Variants in CLSTN2 observed in about 807,000 individuals in gnomAD.
The protein encoded by CLSTN2 is calsyntenin 2.
In CLSTN2, 48 loss-of-function variants were observed where a neutral mutation model predicts 101.2. The observed-to-expected ratio is 0.47, with a 90% CI of 0.38 to 0.60. CLSTN2 has a LOEUF of 0.60. CLSTN2 is among the 20% of genes least tolerant of loss of function. The pLI, the probability that CLSTN2 is intolerant of heterozygous loss-of-function variation, is 0.00. For missense variants in CLSTN2, 1,160 were observed against 1,238.2 expected, an observed-to-expected ratio of 0.94 and a Z score of 0.95; for synonymous variants, 481 against 463.6, an observed-to-expected ratio of 1.04 and a Z score of -0.48.
chr3:140,376,392 T>C (rs1210875573), intron 2 of CLSTN2, among the ~76,000 whole-genome samples: 2 of 152,200 alleles, frequency 1.3e-5, no homozygotes, highest in Non-Finnish European at 2.9e-5. Flanking sequence ...TGGAGACGGA[T>C]GGAATGGAGG....
At chr3:140,330,061 G>A (rs78125088) in intron 2 of CLSTN2, among the ~76,000 whole-genome samples, 2,887 of 152,288 alleles carry the variant, frequency 0.019, 47 homozygotes, top group Middle Eastern at 0.065. Flanking sequence ...GGGAATTAAT[G>A]GCAGAGTGCC....
At chr3:140,273,461 A>C (rs2086763329) in intron 2 of CLSTN2, among the ~76,000 whole-genome samples, 1 of 152,228 alleles carries the variant, frequency 6.6e-6, no homozygotes, top group African/African-American at 2.4e-5. Flanking sequence ...TTAGAGCTGA[A>C]GAAATGAAAG....
At chr3:140,526,971 T>C (rs1445456066) in intron 8 of CLSTN2, among the ~76,000 whole-genome samples, 1 of 152,012 alleles carries the variant, frequency 6.6e-6, no homozygotes, top group African/African-American at 2.4e-5. Context: ...AAAACCCCAA[T>C]TATAAAAATC....
At chr3:140,444,439 A>G (rs1385628456) in intron 5 of CLSTN2, among the ~76,000 whole-genome samples, 1 of 152,018 alleles carries the variant, frequency 6.6e-6, no homozygotes, top group Non-Finnish European at 1.5e-5. Flanking sequence ...TCAAAAAAAA[A>G]AAAATGCTAC....
intron 8 of CLSTN2, among the ~76,000 whole-genome samples, chr3:140,486,948 A>C (rs1354268512): frequency 6.6e-6 from 1 of 152,204 alleles, no homozygotes; most frequent in African/African-American, 2.4e-5. Flanking sequence ...TGTAAGTTTA[A>C]GGCATTTGGA....
intron 2 of CLSTN2, among the ~76,000 whole-genome samples, chr3:140,238,531 A>G (rs1297641082): frequency 6.6e-6 from 1 of 152,208 alleles, no homozygotes. Flanking sequence ...ATCTCGTTTT[A>G]TAATTGGTAA....
intron 6 of CLSTN2, chr3:140,453,133 T>TG (rs1318468592): frequency 3.3e-5 from 5 of 152,212 alleles, no homozygotes; most frequent in Non-Finnish European, 7.4e-5. Flanking sequence ...AAGTAGTCGG[T>TG]GGTGCATATG....
chr3:140,552,416 A>AG (rs2107789409), intron 10 of CLSTN2, among the ~76,000 whole-genome samples: 1 of 151,528 alleles, frequency 6.6e-6, no homozygotes, highest in South Asian at 2.1e-4. Flanking sequence ...AAAAAAAAAA[A>AG]AAAGAACACC....
At chr3:140,063,089 G>T (rs991818610) in intron 1 of CLSTN2, among the ~76,000 whole-genome samples, 1 of 152,084 alleles carries the variant, frequency 6.6e-6, no homozygotes. Flanking sequence ...TAATGTAAAT[G>T]ACATTTTGAG....
intron 1 of CLSTN2, among the ~76,000 whole-genome samples, chr3:139,959,295 C>G (rs1935462456): frequency 6.6e-6 from 1 of 152,200 alleles, no homozygotes; most frequent in Admixed American, 6.5e-5. Context: ...TTGCCATTTG[C>G]TGCTTAGCTT....
At position 140,566,496 on chromosome 3, in the gene CLSTN2, C is replaced by T. The variant is rs2107796320; in HGVS notation, c.*243C>T. 9.4e-6 allele frequency: 5 copies of T among 531,020 alleles called. No homozygotes were observed. In the South Asian group the frequency reaches 1.3e-4, roughly 14 times the overall value. The allele number at this position is 531,020 out of a possible 1,614,324, so 32.9% of individuals were successfully genotyped here. A position where few individuals can be genotyped will look rare whatever the true frequency, so the allele number is the denominator to read the frequency against. ...GGTAGACTTTGTCCTGTAGCCTCCACTTCTGCCCTAAGTTCCCCAGCATCC... is the reference window on the plus strand; with the variant it reads ...GGTAGACTTTGTCCTGTAGCCTCCATTTCTGCCCTAAGTTCCCCAGCATCC... On this transcript the variant is annotated 3_prime_UTR_variant, in exon 17 of 17. Transcript: ENST00000458420.
chr3:140,427,639 C>T (rs2088587031), intron 5 of CLSTN2, among the ~76,000 whole-genome samples: 1 of 152,036 alleles, frequency 6.6e-6, no homozygotes, highest in Non-Finnish European at 1.5e-5. Context: ...CAAAAGAAGG[C>T]TACAGACACT....
At chr3:140,177,639 A>G (rs1419436902) in intron 2 of CLSTN2, among the ~76,000 whole-genome samples, 1 of 152,024 alleles carries the variant, frequency 6.6e-6, no homozygotes, top group African/African-American at 2.4e-5. Flanking sequence ...AATAATAATA[A>G]TAATAATTAG....
intron 6 of CLSTN2, among the ~76,000 whole-genome samples, chr3:140,455,416 T>A (rs188884635): frequency 8.5e-5 from 13 of 152,330 alleles, no homozygotes; most frequent in African/African-American, 2.9e-4. Flanking sequence ...GTAACTGCCA[T>A]CCCTAGGCCC....
intron 1 of CLSTN2, among the ~76,000 whole-genome samples, chr3:140,096,146 A>G (rs1249242797): frequency 6.6e-6 from 1 of 152,186 alleles, no homozygotes; most frequent in Non-Finnish European, 1.5e-5. Context: ...TCTCTGCTTC[A>G]TCATCCTCAT....
chr3:140,286,976 A>G (rs2086900887), intron 2 of CLSTN2, among the ~76,000 whole-genome samples: 1 of 152,158 alleles, frequency 6.6e-6, no homozygotes, highest in South Asian at 2.1e-4. Flanking sequence ...GGAGAGGGGA[A>G]ACAGGTTGGC....
intron 4 of CLSTN2, among the ~76,000 whole-genome samples, 165 bp from the exon 5 acceptor site, chr3:140,420,960 C>T (rs1032473459): frequency 3.3e-5 from 5 of 152,226 alleles, no homozygotes; most frequent in African/African-American, 7.2e-5. Flanking sequence ...AGCATAAGCA[C>T]GCTACAAGTG....
intron 2 of CLSTN2, among the ~76,000 whole-genome samples, chr3:140,195,253 G>A (rs1252808385): frequency 6.6e-6 from 1 of 152,182 alleles, no homozygotes; most frequent in African/African-American, 2.4e-5. Context: ...AGAGAAAGCA[G>A]CCTTTTCTTG....
chr3:140,047,619 A>G (rs1289628976), intron 1 of CLSTN2, among the ~76,000 whole-genome samples: 1 of 152,204 alleles, frequency 6.6e-6, no homozygotes, highest in Non-Finnish European at 1.5e-5. Flanking sequence ...TGAGAAGCCC[A>G]AGGTTGAGGG....
Sources: allele counts gnomAD v4.1 joint callset (sites outside exome capture counted in the v4.1 genomes callset), GRCh38; gene constraint gnomAD v4.1.1; transcripts MANE v1.5; gene names NCBI Gene and HGNC (gene_info 2026-07-23, HGNC 2026-07-21).